The following EPHX2 variants were observed in gnomAD, a reference collection of about 807,000 sequenced individuals.
The protein encoded by EPHX2 is bifunctional epoxide hydrolase 2.
EPHX2 carries 74 observed loss-of-function variants against 78.7 expected under a neutral mutation model. The observed-to-expected ratio is 0.94, with a 90% CI of 0.78 to 1.14. EPHX2 has a LOEUF of 1.14. EPHX2 is among the 50% of genes most tolerant of loss of function. EPHX2 has a pLI of 0.00. For synonymous variants in EPHX2, 251 were observed against 255.2 expected (o/e 0.98, Z 0.16); for missense variants, 715 against 702.5 (o/e 1.02, Z -0.20).
Position 27,491,147 on chromosome 8 carries a change from T to C in EPHX2, c.-62T>C. 6.7e-7 allele frequency: 1 copy of C among 1,485,710 alleles called. No homozygotes were observed. The highest frequency in any genetic ancestry group is 9.0e-7 in the Non-Finnish European group (1 of 1,111,292). 92.0% of individuals were successfully genotyped at this position (1,485,710 alleles called of 1,614,324 possible). ...GCCAAGCTGGGCGGGTCATGCGCCC[T>C]GGCCTTCGCGCATCTCCCAGGTTAG... On this transcript the variant is annotated 5_prime_UTR_variant, in exon 1 of 19. Coordinates refer to ENST00000521400, the MANE Select transcript of EPHX2 (RefSeq NM_001979.6).
intron 1 of EPHX2, among the ~76,000 whole-genome samples, chr8:27,491,823 T>C (rs967219179): frequency 1.3e-5 from 2 of 152,154 alleles, no homozygotes; most frequent in Non-Finnish European, 2.9e-5. Flanking sequence ...CTGAAGCTAT[T>C]TATACAATAT....
At chr8:27,516,476 C>G (rs1363463977) in intron 8 of EPHX2, 78 bp downstream of exon 8, 5 of 1,342,332 alleles carry the variant, frequency 3.7e-6, no homozygotes, top group African/African-American at 1.5e-5. Flanking sequence ...TCGGTGCTTT[C>G]CCTGGTCCCA....
At position 27,525,358 on chromosome 8, in the gene EPHX2, G is replaced by A. The variant is rs568589307; in HGVS notation, c.1059-4G>A. 23 of 1,613,876 alleles carry A rather than the reference G, an allele frequency of 1.4e-5. No individual in the cohort carries two copies. In the South Asian group the frequency reaches 2.1e-4, roughly 15 times the overall value. ...CTATGTCTTGCTGCCTCTTATTTCT[G>A]TAGGGCGGTGGCCAGTTTGAATACT... On this transcript the variant is annotated splice_polypyrimidine_tract_variant and splice_region_variant and intron_variant, in intron 11 of 18. Coordinates refer to ENST00000521400, the MANE Select transcript of EPHX2 (RefSeq NM_001979.6).
At chr8:27,499,563 C>T (rs1213558582) in intron 1 of EPHX2, among the ~76,000 whole-genome samples, 2 of 152,154 alleles carry the variant, frequency 1.3e-5, no homozygotes, top group Non-Finnish European at 2.9e-5. Flanking sequence ...GTAATTTTAA[C>T]TGGCTTGCCA....
chr8:27,541,204 T>G (rs1815388410), intron 15 of EPHX2, among the ~76,000 whole-genome samples: 2 of 152,266 alleles, frequency 1.3e-5, no homozygotes, highest in South Asian at 4.1e-4. Flanking sequence ...GAGGGTCCTG[T>G]AGGGCCGGCT....
intron 2 of EPHX2, 34 bp downstream of exon 2, chr8:27,501,044 T>A (rs745900946): frequency 6.3e-7 from 1 of 1,587,530 alleles, no homozygotes; most frequent in Non-Finnish European, 8.6e-7. Flanking sequence ...GCCCTTTGGA[T>A]GAACGTTCTC....
At chr8:27,502,547 G>C (rs1418119333) in intron 2 of EPHX2, among the ~76,000 whole-genome samples, 1 of 152,210 alleles carries the variant, frequency 6.6e-6, no homozygotes. Context: ...AGTTCTGGAG[G>C]CTGGGAAGTC....
intron 5 of EPHX2, 25 bp from the exon 6 acceptor site, chr8:27,511,811 C>T (rs1814258586): frequency 6.2e-7 from 1 of 1,612,704 alleles, no homozygotes; most frequent in African/African-American, 1.3e-5. Context: ...TGCTGTCTCT[C>T]TCACTATACC....
chr8:27,511,932 G>A, intron 6 of EPHX2, 22 bp downstream of exon 6: 1 of 1,612,338 alleles, frequency 6.2e-7, no homozygotes, highest in Non-Finnish European at 8.5e-7. Flanking sequence ...TTGTCTCTCA[G>A]TCGGCTAAGT....
intron 16 of EPHX2, 71 bp downstream of exon 16, chr8:27,541,613 G>C: frequency 6.5e-7 from 1 of 1,538,198 alleles, no homozygotes; most frequent in East Asian, 2.3e-5. Flanking sequence ...ATTGGCCTGA[G>C]CTGATATGAC....
chr8:27,531,920 A>G (rs1445456403), intron 12 of EPHX2, among the ~76,000 whole-genome samples: 1 of 152,166 alleles, frequency 6.6e-6, no homozygotes, highest in Non-Finnish European at 1.5e-5. Context: ...TCCCTGGCAA[A>G]TTAGGTGACT....
chr8:27,547,393 A>G (rs1815592308), downstream of EPHX2, among the ~76,000 whole-genome samples: 1 of 152,188 alleles, frequency 6.6e-6, no homozygotes. Flanking sequence ...GTGTGTTCAA[A>G]ATGATTTAAT....
chr8:27,543,979 T>A, intron 17 of EPHX2, 150 bp downstream of exon 17: 1 of 979,552 alleles, frequency 1.0e-6, no homozygotes, highest in East Asian at 2.5e-5. Context: ...GTCCCCCCAT[T>A]GCAAGCAGCA....
intron 15 of EPHX2, 29 bp downstream of exon 15, chr8:27,540,685 A>T: frequency 6.3e-7 from 1 of 1,598,512 alleles, no homozygotes; most frequent in Non-Finnish European, 8.6e-7. Flanking sequence ...CCAGACACAG[A>T]TGAGAGATGA....
At chr8:27,491,644 A>G (rs375089034) in intron 1 of EPHX2, among the ~76,000 whole-genome samples, 1 of 152,184 alleles carries the variant, frequency 6.6e-6, no homozygotes, top group South Asian at 2.1e-4. Context: ...AGGAGAGAAG[A>G]AAGTTCTCTC....
intron 1 of EPHX2, among the ~76,000 whole-genome samples, chr8:27,497,378 C>T (rs1158923462): frequency 6.6e-6 from 1 of 152,180 alleles, no homozygotes; most frequent in Non-Finnish European, 1.5e-5. Context: ...AGTGTCCTTG[C>T]AAAGCACACT....
intron 12 of EPHX2, 113 bp from the exon 13 acceptor site, chr8:27,536,671 T>C (rs892970630): frequency 6.9e-6 from 7 of 1,012,642 alleles, no homozygotes; most frequent in Middle Eastern, 2.1e-4. Context: ...CTGATGAAAC[T>C]TGGGCTGGAT....
At chr8:27,548,586 A>T (rs1815610854), downstream of EPHX2, among the ~76,000 whole-genome samples, 1 of 152,228 alleles carries the variant, frequency 6.6e-6, no homozygotes, top group Admixed American at 6.5e-5. Context: ...TAAAATGCTC[A>T]TTAGACGTTT....
chr8:27,525,384 C>T lies in EPHX2; in HGVS notation c.1081C>T (p.Pro361Ser), dbSNP rs201276018. The T allele has an allele frequency of 7.8e-4, 1,253 of 1,614,118 alleles. 23 individuals carry two copies. The South Asian group carries it at 0.013, about 17-fold the overall frequency. Residue 361 changes from proline (P) to serine (S), a missense_variant, in exon 12 of 19, where the codon CCC (proline) becomes TCC (serine). Physicochemically the swap from Pro to Ser is moderately conservative, Grantham distance 74. Coordinates refer to ENST00000521400, the MANE Select transcript of EPHX2 (RefSeq NM_001979.6). ...TAGGGCGGTGGCCAGTTTGAATACT[C>T]CCTTCATACCAGCAAATCCCAACAT... is the stretch of plus-strand genomic sequence containing the variant. The part of the protein sequence containing the change: ...RVRAVASLNT[P>S]FIPANPNMSP...
Sources: allele counts gnomAD v4.1 joint callset (sites outside exome capture counted in the v4.1 genomes callset), GRCh38; gene constraint gnomAD v4.1.1; transcripts MANE v1.5; gene names NCBI Gene and HGNC (gene_info 2026-07-23, HGNC 2026-07-21).